TAFA5: variants seen among roughly 807,000 people sequenced by gnomAD.
TAFA5 encodes the protein TAFA chemokine like family member 5.
Under a neutral mutation model 15.3 loss-of-function variants are expected in TAFA5, and 6 were observed. That is an observed-to-expected ratio of 0.39 (90% CI 0.21 to 0.77). The LOEUF (loss-of-function observed/expected upper bound fraction) is 0.77. TAFA5 is among the 30% of genes least tolerant of loss of function. The probability of loss-of-function intolerance (pLI) is 0.41; values close to 1 mark genes in which losing one functional copy is unlikely to be tolerated. For missense variants in TAFA5, 161 were observed against 193.1 expected (o/e 0.83, Z 0.98); for synonymous variants, 103 against 80.7 (o/e 1.28, Z -1.48).
chr22:48,656,610 T>C (rs1157130845), intron 2 of TAFA5, among the ~76,000 whole-genome samples: 1 of 149,554 alleles, frequency 6.7e-6, no homozygotes, highest in Non-Finnish European at 1.5e-5. Context: ...GTAAACAATA[T>C]CTACATCAAG....
chr22:48,489,718 G>A lies in TAFA5; in HGVS notation c.112+14G>A. 1 of 1,407,672 alleles carries A rather than the reference G, an allele frequency of 7.1e-7. No individual in the cohort carries two copies. The allele number at this position is 1,407,672 out of a possible 1,614,324, so 87.2% of individuals were successfully genotyped here. A position where few individuals can be genotyped will look rare whatever the true frequency, so the allele number is the denominator to read the frequency against. On this transcript the variant is annotated intron_variant, in intron 1 of 3. Transcript: ENST00000402357. The surrounding 1 kb of genome is among the most constrained non-coding windows in gnomAD (Gnocchi z 5.5). ...TCGCCTACTGCAGTGAGTACCGCGC[G>A]GCCCCGGCCCCGGCACGGCCCTCTG... is the stretch of plus-strand genomic sequence containing the variant.
intron 2 of TAFA5, among the ~76,000 whole-genome samples, chr22:48,706,236 A>T (rs1419583951): frequency 1.3e-5 from 2 of 152,260 alleles, no homozygotes; most frequent in Non-Finnish European, 2.9e-5. Context: ...GGAGGGACCC[A>T]AAGGAAAACA....
rs779206633 is a variant in TAFA5, at chr22:48,607,443, C to T, written c.113-39154C>T. ...CGGGTTCTGATTAGGGCTGGCCCAC[C>T]CATCCCAGGTACCTCAGTCTGGAGC... On this transcript the variant is annotated intron_variant, in intron 1 of 3. Transcript: ENST00000402357. Among the ~76,000 whole-genome samples the T allele has an allele frequency of 1.4e-4, 20 of 140,856 alleles. 2 individuals are homozygous for T. The highest frequency in any genetic ancestry group is 2.6e-4 in the Non-Finnish European group (17 of 64,576). 92.4% of individuals were successfully genotyped at this position (140,856 alleles called of 152,430 possible). A position where few individuals can be genotyped will look rare whatever the true frequency, so the allele number is the denominator to read the frequency against.
In TAFA5 at chr22:48,489,735, G is replaced by T. The variant is rs768505748; in HGVS notation, c.112+31G>T. 2 of 1,317,438 alleles carry T rather than the reference G, an allele frequency of 1.5e-6. No individual in the cohort carries two copies. Among genetic ancestry groups the T allele is most frequent in the African/African-American group, 1.5e-5 (1 of 64,566 alleles). The allele number at this position is 1,317,438 out of a possible 1,614,324, so 81.6% of individuals were successfully genotyped here. A position where few individuals can be genotyped will look rare whatever the true frequency, so the allele number is the denominator to read the frequency against. ...TACCGCGCGGCCCCGGCCCCGGCAC[G>T]GCCCTCTGGGCCCCGGACCCCCTCC... On this transcript the variant is annotated intron_variant, in intron 1 of 3. Transcript: ENST00000402357. The surrounding 1 kb of genome is among the most constrained non-coding windows in gnomAD (Gnocchi z 5.5).
rs1601683793 is a variant in TAFA5 at position 48,701,788 on chromosome 22, C to T, written c.263-5929C>T. ...ACTTCAAGGAGAGCCCGGCTCCTGC[C>T]CTCCCCTGGCTGCCTCCCTCCCCTG... On this transcript the variant is annotated intron_variant, in intron 2 of 3. Coordinates refer to ENST00000402357, the MANE Select transcript of TAFA5 (RefSeq NM_001082967.3). 2.0e-5 allele frequency among the ~76,000 whole-genome samples: 3 copies of T among 152,208 alleles called. No homozygotes were observed. In the East Asian group the frequency reaches 5.8e-4, roughly 29 times the overall value.
intron 2 of TAFA5, among the ~76,000 whole-genome samples, chr22:48,692,579 AAG>A: frequency 6.6e-6 from 1 of 152,298 alleles, no homozygotes; most frequent in East Asian, 1.9e-4. Context: ...TGGTTTTTGA[AAG>A]AGGATTCAGT....
intron 2 of TAFA5, among the ~76,000 whole-genome samples, chr22:48,698,190 GATGGTGACAATAATGATGGTGATGATA>G (rs1928787239): frequency 6.6e-6 from 1 of 151,986 alleles, no homozygotes. Context: ...TGGTGATGAT[GATGGTGACAATAATGATGGTGATGATA>G]ATGGCAGTGG....
intron 2 of TAFA5, among the ~76,000 whole-genome samples, chr22:48,652,544 G>A (rs1927091465): frequency 6.6e-6 from 1 of 152,234 alleles, no homozygotes; most frequent in African/African-American, 2.4e-5. Context: ...ACCCTTGGCA[G>A]CCTGGCACCC....
At chr22:48,716,140 T>C (rs985015629) in intron 3 of TAFA5, among the ~76,000 whole-genome samples, 4 of 152,194 alleles carry the variant, frequency 2.6e-5, no homozygotes, top group Non-Finnish European at 5.9e-5. Flanking sequence ...GCTGTTTTGG[T>C]TACTGTAGCC....
intron 1 of TAFA5, among the ~76,000 whole-genome samples, chr22:48,494,370 C>T (rs996774778): frequency 3.9e-5 from 6 of 152,220 alleles, no homozygotes; most frequent in Non-Finnish European, 2.9e-5. Flanking sequence ...ACCTGTCACC[C>T]GGAGCACTGT....
intron 1 of TAFA5, among the ~76,000 whole-genome samples, chr22:48,641,530 C>T (rs1025604917): frequency 6.6e-6 from 1 of 151,790 alleles, no homozygotes; most frequent in South Asian, 2.1e-4. Context: ...TGCCCCTCCC[C>T]ACTGCACTCC....
chr22:48,632,646 C>G (rs928996150), intron 1 of TAFA5, among the ~76,000 whole-genome samples: 5 of 152,218 alleles, frequency 3.3e-5, no homozygotes, highest in Non-Finnish European at 5.9e-5. Flanking sequence ...GAAGCCCCCT[C>G]TGGAGGCCGT....
chr22:48,509,608 C>T (rs1256009401), intron 1 of TAFA5, among the ~76,000 whole-genome samples: 1 of 152,134 alleles, frequency 6.6e-6, no homozygotes, highest in Non-Finnish European at 1.5e-5. Context: ...GGGGAAAGGA[C>T]ACCCTCTTCA....
chr22:48,688,644 T>C (rs1928439341), intron 2 of TAFA5, among the ~76,000 whole-genome samples: 1 of 152,096 alleles, frequency 6.6e-6, no homozygotes, highest in South Asian at 2.1e-4. Flanking sequence ...CTTGCTTAGC[T>C]GAAAGGAGAG....
At chr22:48,621,000 T>A (rs1206986495) in intron 1 of TAFA5, among the ~76,000 whole-genome samples, 1 of 71,984 alleles carries the variant, frequency 1.4e-5, no homozygotes, top group Non-Finnish European at 2.5e-5. Flanking sequence ...CCACCCACAC[T>A]ATCTATCCAC....
At chr22:48,491,631 C>G (rs1176948976) in intron 1 of TAFA5, among the ~76,000 whole-genome samples, 1 of 152,274 alleles carries the variant, frequency 6.6e-6, no homozygotes, top group Non-Finnish European at 1.5e-5. Context: ...GCGGTACACA[C>G]TGTCTCAAGA....
intron 1 of TAFA5, among the ~76,000 whole-genome samples, chr22:48,519,288 A>C (rs1437598674): frequency 6.6e-6 from 1 of 152,260 alleles, no homozygotes; most frequent in Non-Finnish European, 1.5e-5. Context: ...AGGCTCCAAG[A>C]ATCCCGCGTC....
chr22:48,698,933 G>C lies in TAFA5; in HGVS notation c.263-8784G>C, dbSNP rs186845530. On this transcript the variant is annotated intron_variant, in intron 2 of 3. Coordinates refer to ENST00000402357, the MANE Select transcript of TAFA5 (RefSeq NM_001082967.3). ...CCTCAGACCTAAGTAATGTGGCAAT[G>C]CTTTTTTTTTTTTTTTTTTTTTTGG... 3.1e-3 allele frequency among the ~76,000 whole-genome samples: 355 copies of C among 114,306 alleles called. 5 individuals carry two copies. Among genetic ancestry groups the C allele is most frequent in the African/African-American group, 0.013 (329 of 26,186 alleles). The allele number at this position is 114,306 out of a possible 152,430, so 75.0% of individuals were successfully genotyped here.
At chr22:48,624,279 G>A (rs544679337) in intron 1 of TAFA5, among the ~76,000 whole-genome samples, 1 of 152,178 alleles carries the variant, frequency 6.6e-6, no homozygotes, top group South Asian at 2.1e-4. Context: ...CCACTGTCAT[G>A]AGTGTCACAT....
Sources: allele counts gnomAD v4.1 joint callset (sites outside exome capture counted in the v4.1 genomes callset), GRCh38; gene constraint gnomAD v4.1.1; non-coding constraint Gnocchi (gnomAD v3.1); transcripts MANE v1.5; gene names NCBI Gene and HGNC (gene_info 2026-07-23, HGNC 2026-07-21).